Variants in SNX10 observed in about 807,000 individuals in gnomAD.
SNX10 encodes sorting nexin-10.
Under a neutral mutation model 28.5 loss-of-function variants are expected in SNX10, and 25 were observed. That is an observed-to-expected ratio of 0.88 (90% CI 0.64 to 1.22). The LOEUF (loss-of-function observed/expected upper bound fraction) is 1.22, where lower values mean the gene tolerates loss of function less well. SNX10 is among the 50% of genes most tolerant of loss of function. The pLI is 0.00. For missense variants in SNX10, 223 were observed against 242.6 expected (o/e 0.92, Z 0.54); for synonymous variants, 62 against 81.4 (o/e 0.76, Z 1.28).
At chr7:26,349,473 A>C (rs1226358836) in intron 2 of SNX10, among the ~76,000 whole-genome samples, 1 of 152,128 alleles carries the variant, frequency 6.6e-6, no homozygotes, top group Non-Finnish European at 1.5e-5. Flanking sequence ...TTAGTTAAGC[A>C]TGTTCCATTT....
intron 2 of SNX10, among the ~76,000 whole-genome samples, chr7:26,352,998 T>TC (rs947394252): frequency 5.9e-5 from 9 of 152,314 alleles, no homozygotes; most frequent in African/African-American, 2.2e-4. Flanking sequence ...GTTTTTTTTT[T>TC]CTGCACTTTT....
chr7:26,300,805 G>C (rs1393828410), intron 1 of SNX10, among the ~76,000 whole-genome samples: 2 of 152,016 alleles, frequency 1.3e-5, no homozygotes, highest in Non-Finnish European at 2.9e-5. Context: ...AATCACTGGA[G>C]CTCAGGAGTT....
At chr7:26,312,322 A>G (rs1342045252) in intron 1 of SNX10, among the ~76,000 whole-genome samples, 1 of 152,242 alleles carries the variant, frequency 6.6e-6, no homozygotes, top group Non-Finnish European at 1.5e-5. Flanking sequence ...TGGCATAGCA[A>G]CCACCATAAG....
intron 1 of SNX10, among the ~76,000 whole-genome samples, chr7:26,340,768 T>C (rs897104433): frequency 1.8e-4 from 28 of 152,220 alleles, no homozygotes; most frequent in African/African-American, 6.3e-4. Flanking sequence ...TTTATCTTTT[T>C]TCATTTGTTT....
In SNX10 at chr7:26,343,786, G is replaced by C. The variant is rs192341906; in HGVS notation, c.-23-2634G>C. 2.0e-3 allele frequency among the ~76,000 whole-genome samples: 308 copies of C among 152,278 alleles called. 3 individuals carry two copies. The highest frequency in any genetic ancestry group is 7.2e-3 in the African/African-American group (299 of 41,552). ...GGAATCCCATGATAACCGGACTTGA[G>C]CCGCTCCTCCTCCTGGCCTCCTCCC... is the stretch of plus-strand genomic sequence containing the variant. On this transcript the variant is annotated intron_variant, in intron 1 of 6. Transcript: ENST00000338523.
intron 1 of SNX10, among the ~76,000 whole-genome samples, chr7:26,322,065 T>G (rs747403697): frequency 7.2e-5 from 11 of 152,162 alleles, no homozygotes; most frequent in Non-Finnish European, 1.5e-4. Context: ...ATCCTGTTCT[T>G]TTGAACATGA....
intron 2 of SNX10, among the ~76,000 whole-genome samples, chr7:26,348,893 C>T (rs1788491375): frequency 6.6e-6 from 1 of 152,198 alleles, no homozygotes; most frequent in Non-Finnish European, 1.5e-5. Context: ...AGCCTTTGTA[C>T]TGTGTTGACT....
At chr7:26,293,458 G>A (rs369024041) in intron 1 of SNX10, among the ~76,000 whole-genome samples, 19 of 152,124 alleles carry the variant, frequency 1.2e-4, no homozygotes, top group Admixed American at 9.2e-4. Context: ...CACCTGCCTC[G>A]GCCTCCCAAA....
At chr7:26,318,967 G>A (rs1306062685) in intron 1 of SNX10, among the ~76,000 whole-genome samples, 2 of 152,216 alleles carry the variant, frequency 1.3e-5, no homozygotes, top group Non-Finnish European at 2.9e-5. Context: ...ACAGCCATGA[G>A]TGGCATAGTT....
intron 1 of SNX10, among the ~76,000 whole-genome samples, chr7:26,299,236 C>A (rs1328718209): frequency 6.6e-6 from 1 of 151,854 alleles, no homozygotes; most frequent in African/African-American, 2.4e-5. Flanking sequence ...CGCTCTGTTG[C>A]CCAGGCTGGA....
intron 1 of SNX10, among the ~76,000 whole-genome samples, chr7:26,338,735 T>G (rs546063656): frequency 6.6e-6 from 1 of 151,898 alleles, no homozygotes; most frequent in Non-Finnish European, 1.5e-5. Flanking sequence ...ATTTGGCGGG[T>G]AGGAGCTTAG....
intron 2 of SNX10, among the ~76,000 whole-genome samples, chr7:26,353,541 T>C (rs1788698740): frequency 7.4e-6 from 1 of 135,154 alleles, no homozygotes; most frequent in African/African-American, 2.7e-5. Flanking sequence ...AACCTCCGCC[T>C]CCCAGACTCA....
At chr7:26,314,404 G>A (rs1786984358) in intron 1 of SNX10, among the ~76,000 whole-genome samples, 2 of 152,040 alleles carry the variant, frequency 1.3e-5, no homozygotes, top group Admixed American at 1.3e-4. Flanking sequence ...ACAGGCGTGT[G>A]TCACCATGCC....
At chr7:26,348,802 G>A (rs10238493) in intron 2 of SNX10, among the ~76,000 whole-genome samples, 56,284 of 151,954 alleles carry the variant, frequency 0.37, 11,013 homozygotes, top group South Asian at 0.61. Flanking sequence ...TTATTTTAGA[G>A]CCTTGAATGC....
intron 1 of SNX10, among the ~76,000 whole-genome samples, chr7:26,298,818 G>A (rs1226426857): frequency 3.3e-5 from 5 of 152,150 alleles, no homozygotes; most frequent in African/African-American, 4.8e-5. Context: ...GCAGACAGCC[G>A]CCTTCGTGCT....
At chr7:26,360,159 A>G (rs1412492970) in intron 2 of SNX10, among the ~76,000 whole-genome samples, 1 of 152,246 alleles carries the variant, frequency 6.6e-6, no homozygotes, top group Non-Finnish European at 1.5e-5. Flanking sequence ...CTTTCTATTA[A>G]TAAGTTATTA....
intron 1 of SNX10, among the ~76,000 whole-genome samples, chr7:26,308,565 G>T (rs1052156207): frequency 1.3e-5 from 2 of 152,200 alleles, no homozygotes; most frequent in African/African-American, 4.8e-5. Context: ...ACACGTGGAG[G>T]TTCCTGGGGG....
At chr7:26,302,903 CA>C (rs1401671087) in intron 1 of SNX10, among the ~76,000 whole-genome samples, 1 of 152,104 alleles carries the variant, frequency 6.6e-6, no homozygotes, top group Non-Finnish European at 1.5e-5. Flanking sequence ...GAGCCGAAAT[CA>C]CACTGCATTC....
chr7:26,372,026 T>A lies in SNX10; in HGVS notation c.517T>A (p.Ser173Thr). 1 of 1,592,456 alleles carries A rather than the reference T, an allele frequency of 6.3e-7. No individual in the cohort carries two copies. Among genetic ancestry groups the A allele is most frequent in the East Asian group, 2.2e-5 (1 of 44,722 alleles). ...AAAAGAAAATGATATAGATTATGAT[T>A]CAGAAAGGTATTTCCTTGCATTTTG... is the stretch of plus-strand genomic sequence containing the variant. ...GKKENDIDYD[S>T]ESSSSGLGHS... is the part of the protein sequence containing the mutation. Residue 173 changes from serine to threonine, a missense_variant, in exon 6 of 7, where the codon TCA (serine) becomes ACA (threonine). Coordinates refer to ENST00000338523, the MANE Select transcript of SNX10 (RefSeq NM_013322.3).
Sources: allele counts gnomAD v4.1 joint callset (sites outside exome capture counted in the v4.1 genomes callset), GRCh38; gene constraint gnomAD v4.1.1; transcripts MANE v1.5; gene names NCBI Gene and HGNC (gene_info 2026-07-23, HGNC 2026-07-21).